Variants in ZNF600 observed in about 807,000 individuals in gnomAD.
The protein encoded by ZNF600 is zinc finger protein KR-ZNF1.
A neutral mutation model predicts 7.3 loss-of-function variants in ZNF600; 4 were observed. That is an observed-to-expected ratio of 0.55 (90% CI 0.27 to 1.25). ZNF600 has a LOEUF of 1.25. ZNF600 is among the 50% of genes most tolerant of loss of function. ZNF600 has a pLI of 0.12. For missense variants in ZNF600, 911 were observed against 922.1 expected, an observed-to-expected ratio of 0.99 and a Z score of 0.16; for synonymous variants, 290 against 308.9, an observed-to-expected ratio of 0.94 and a Z score of 0.64.
chr19:52,769,664 G>T (rs1390084689), intron 3 of ZNF600, among the ~76,000 whole-genome samples: 1 of 152,168 alleles, frequency 6.6e-6, no homozygotes, highest in African/African-American at 2.4e-5. Context: ...TTTGTCTTGT[G>T]TATTTATTTC....
At chr19:52,786,844 C>A, upstream of ZNF600, 1 of 268,966 alleles carries the variant, frequency 3.7e-6, no homozygotes, top group Non-Finnish European at 8.1e-6. Flanking sequence ...AGGCGGGGCC[C>A]CAGGCGGAGA....
chr19:52,764,570 T>G (rs2062554062), exon 4 of ZNF600: 2 of 142,676 alleles, frequency 1.4e-5, no homozygotes, highest in African/African-American at 2.6e-5. Context: ...CAGGCCGGAG[T>G]GCAGTGGCAC....
chr19:52,811,460 C>T, the ZNF600 span, among the ~76,000 whole-genome samples: 2 of 148,616 alleles, frequency 1.3e-5, no homozygotes, highest in Non-Finnish European at 3.0e-5. Flanking sequence ...CGCCTCTTCC[C>T]CGCCGCCATC....
the ZNF600 span, among the ~76,000 whole-genome samples, chr19:52,832,751 G>C: frequency 6.6e-6 from 1 of 152,058 alleles, no homozygotes; most frequent in Admixed American, 6.6e-5. Context: ...CTAAGCTACA[G>C]AGCGACATTT....
At chr19:52,828,008 G>C in the ZNF600 span, among the ~76,000 whole-genome samples, 1 of 152,042 alleles carries the variant, frequency 6.6e-6, no homozygotes, top group Non-Finnish European at 1.5e-5. Context: ...GGAATATCAA[G>C]TATATCCATG....
At chr19:52,820,298 T>C in the ZNF600 span, among the ~76,000 whole-genome samples, 14 of 134,844 alleles carry the variant, frequency 1.0e-4, no homozygotes, top group South Asian at 2.9e-3. Context: ...TTTGTATTTT[T>C]AGTAGAGACG....
intron 3 of ZNF600, among the ~76,000 whole-genome samples, chr19:52,769,499 C>A (rs1300161609): frequency 6.6e-6 from 1 of 152,218 alleles, no homozygotes; most frequent in Non-Finnish European, 1.5e-5. Flanking sequence ...ACCCACGTGA[C>A]CTTACCTATC....
the ZNF600 span, chr19:52,799,995 C>A: frequency 6.2e-7 from 1 of 1,613,356 alleles, no homozygotes; most frequent in East Asian, 2.2e-5. Flanking sequence ...TGATGTCTGA[C>A]GGAAGGTCTT....
At chr19:52,801,528 G>A in the ZNF600 span, 1 of 1,614,060 alleles carries the variant, frequency 6.2e-7, no homozygotes, top group East Asian at 2.2e-5. Flanking sequence ...ATGGTCATTT[G>A]TTTCATCTTC....
intron 1 of ZNF600, among the ~76,000 whole-genome samples, chr19:52,784,308 A>AG (rs1207132628): frequency 2.0e-5 from 3 of 152,184 alleles, no homozygotes; most frequent in Non-Finnish European, 2.9e-5. Flanking sequence ...AGAGAGACTG[A>AG]GGGAGGAGGA....
At chr19:52,810,547 C>A in the ZNF600 span, 2 of 1,595,842 alleles carry the variant, frequency 1.3e-6, no homozygotes, top group Non-Finnish European at 8.6e-7. Flanking sequence ...ACAGACCAGG[C>A]ATCAGCACAA....
the ZNF600 span, among the ~76,000 whole-genome samples, chr19:52,817,731 G>A: frequency 6.6e-6 from 1 of 152,062 alleles, no homozygotes. Flanking sequence ...GACCTTCCCA[G>A]GACCATGCCC....
the ZNF600 span, among the ~76,000 whole-genome samples, chr19:52,817,697 G>T: frequency 6.6e-6 from 1 of 151,924 alleles, no homozygotes; most frequent in Non-Finnish European, 1.5e-5. Context: ...CCCTCACCCC[G>T]TCTCCATCCA....
chr19:52,787,010 G>C (rs796517365), upstream of ZNF600, among the ~76,000 whole-genome samples: 54 of 152,396 alleles, frequency 3.5e-4, no homozygotes, highest in African/African-American at 1.3e-3. Flanking sequence ...TCTGGAACGG[G>C]AATGCAAACT....
chr19:52,786,892 G>A (rs1299037423), upstream of ZNF600: 1 of 184,984 alleles, frequency 5.4e-6, no homozygotes, highest in African/African-American at 2.3e-5. Flanking sequence ...GAGGGCCCGG[G>A]GCGGGACCTG....
the ZNF600 span, among the ~76,000 whole-genome samples, chr19:52,830,788 A>G: frequency 6.6e-6 from 1 of 150,560 alleles, no homozygotes; most frequent in Middle Eastern, 3.4e-3. Flanking sequence ...TCAATGTATC[A>G]TGTGAGGCAA....
At chr19:52,789,601 G>C (rs531783540), upstream of ZNF600, among the ~76,000 whole-genome samples, 1 of 152,270 alleles carries the variant, frequency 6.6e-6, no homozygotes, top group Non-Finnish European at 1.5e-5. Context: ...AAAGTACAGA[G>C]TCCAGCCAGG....
At chr19:52,828,230 T>G in the ZNF600 span, among the ~76,000 whole-genome samples, 2 of 151,850 alleles carry the variant, frequency 1.3e-5, no homozygotes, top group Admixed American at 6.6e-5. Context: ...TGTTGCATTT[T>G]TAGTAGAGAT....
intron 1 of ZNF600, 84 bp from the exon 4 acceptor site, chr19:52,778,991 C>T: frequency 1.5e-6 from 2 of 1,305,132 alleles, no homozygotes; most frequent in South Asian, 1.6e-5. Context: ...GGGGAGACCT[C>T]ACCCAGCAGA....
Sources: gnomAD v4.1 joint callset for allele counts (sites outside exome capture counted in the v4.1 genomes callset) on GRCh38, gnomAD v4.1.1 for gene constraint, MANE v1.5 for transcripts, NCBI Gene and HGNC (gene_info 2026-07-23, HGNC 2026-07-21) for gene names.